Variants in MAN1B1 observed in about 807,000 individuals in gnomAD.
The protein encoded by MAN1B1 is mannosidase alpha class 1B member 1, also known as endoplasmic reticulum mannosyl-oligosaccharide 1,2-alpha-mannosidase.
Under a neutral mutation model 75.5 loss-of-function variants are expected in MAN1B1, and 66 were observed. The ratio of observed to expected loss-of-function variants is 0.87; its 90% CI spans 0.72 to 1.07. The LOEUF is 1.07. Among genes scored for constraint, MAN1B1 ranks in the 50% least tolerant of loss-of-function variants. MAN1B1 has a pLI of 0.00. For missense variants in MAN1B1, 973 were observed against 912.5 expected, an observed-to-expected ratio of 1.07 and a Z score of -0.85; for synonymous variants, 453 against 382.8, an observed-to-expected ratio of 1.18 and a Z score of -2.14.
Position 137,086,991 on chromosome 9 carries a change from G to A in MAN1B1, c.-9G>A. ...TCCGTGTGATGGGCGGGCTGTTGAC[G>A]GCGCTGCGATGGCTGCCTGCGAGGG... On this transcript the variant is annotated 5_prime_UTR_variant, in exon 1 of 13. Coordinates refer to ENST00000371589, the MANE Select transcript of MAN1B1 (RefSeq NM_016219.5). The A allele has an allele frequency of 1.9e-6, 3 of 1,585,454 alleles. No homozygotes were observed. The highest frequency in any genetic ancestry group is 1.7e-6 in the Non-Finnish European group (2 of 1,168,050).
At chr9:137,087,716 T>C (rs1376765791) in intron 1 of MAN1B1, 2 of 412,952 alleles carry the variant, frequency 4.8e-6, no homozygotes, top group Admixed American at 3.8e-5. Context: ...CTTTCTCCAC[T>C]GTTGATGAAA....
At position 137,109,117 on chromosome 9, in the gene MAN1B1, G is replaced by A. The variant is rs749146641; in HGVS notation, c.*526G>A. 2.6e-5 allele frequency: 12 copies of A among 455,014 alleles called. No individual in the cohort carries two copies. Among genetic ancestry groups the A allele is most frequent in the Admixed American group, 9.4e-5 (4 of 42,564 alleles). 28.2% of individuals were successfully genotyped at this position (455,014 alleles called of 1,614,324 possible). ...GCTTGGAGGGCTGGACGGCAAGTCC[G>A]TCTAGCTCACGGGCCCCTCCAGTGG... is the stretch of plus-strand genomic sequence containing the variant. On this transcript the variant is annotated 3_prime_UTR_variant, in exon 13 of 13. Transcript: ENST00000371589.
In MAN1B1 at chr9:137,108,415, A is replaced by C. The variant is rs1275807103; in HGVS notation, c.1924A>C (p.Asn642His). 6.2e-7 allele frequency: 1 copy of C among 1,613,694 alleles called. No homozygotes were observed. Among genetic ancestry groups the C allele is most frequent in the African/African-American group, 1.3e-5 (1 of 74,924 alleles). The change falls in exon 13 of 13, where the codon AAC (asparagine) becomes CAC (histidine). Residue 642 changes from asparagine to histidine, a missense_variant. By Grantham distance (68) the Asn-to-His change is moderately conservative. Transcript: ENST00000371589. The stretch of plus-strand genomic sequence containing the variant: ...CCCCTCGGGTGGCTATTCTTCCATC[A>C]ACAATGTCCAGGATCCTCAGAAGCC... ...RVPSGGYSSI[N>H]NVQDPQKPEP...
rs753012276 is a variant in MAN1B1 at position 137,088,103 on chromosome 9, G to A, written c.248G>A (p.Arg83Gln). Residue 83 changes from arginine to glutamine, a missense_variant, in exon 2 of 13, where the codon CGG (arginine) becomes CAG (glutamine). Coordinates refer to ENST00000371589, the MANE Select transcript of MAN1B1 (RefSeq NM_016219.5). ...TGGAAGCAACTGTCGAGATTGCAGC[G>A]GAATATGATTCTCTTCCTCCTTGCC... ...RKWKQLSRLQ[R>Q]NMILFLLAFL... 1.5e-5 allele frequency: 24 copies of A among 1,614,148 alleles called. No homozygotes were observed. Among genetic ancestry groups the A allele is most frequent in the East Asian group, 4.5e-5 (2 of 44,888 alleles).
In MAN1B1 at chr9:137,106,352, C is replaced by T. The variant is rs1377805263; in HGVS notation, c.1445+37C>T. 6.6e-6 allele frequency: 10 copies of T among 1,526,538 alleles called. No homozygotes were observed. The East Asian group carries it at 2.0e-4, about 30-fold the overall frequency. 94.6% of individuals were successfully genotyped at this position (1,526,538 alleles called of 1,614,324 possible). On this transcript the variant is annotated intron_variant, in intron 9 of 12. Coordinates refer to ENST00000371589, the MANE Select transcript of MAN1B1 (RefSeq NM_016219.5). ...CCCGCTGCCCCCAGCTCCCGCGGCT[C>T]CCCCGTTCCCGCAGCCCCCCACTCC...
chr9:137,107,952 C>A, intron 12 of MAN1B1: 1 of 634,104 alleles, frequency 1.6e-6, no homozygotes, highest in Non-Finnish European at 2.9e-6. Flanking sequence ...CCCAGCATCC[C>A]CCCAGTTTAG....
chr9:137,099,762 A>T lies in MAN1B1; in HGVS notation c.797A>T (p.Lys266Met), dbSNP rs752290538. Residue 266 changes from lysine to methionine, a missense_variant, in exon 6 of 13, where the codon AAG becomes ATG. Coordinates refer to ENST00000371589, the MANE Select transcript of MAN1B1 (RefSeq NM_016219.5). The part of the protein sequence containing the change: ...VFLHAWKGYR[K>M]FAWGHDELKP... ...CTGCATGCATGGAAAGGATACCGCA[A>T]GTTTGCATGGGGCCATGACGAGCTG... The T allele has an allele frequency of 6.8e-6, 11 of 1,614,216 alleles. No homozygotes were observed. In the East Asian group the frequency reaches 1.6e-4, roughly 23 times the overall value.
chr9:137,103,489 C>T (rs1830972804), intron 8 of MAN1B1: 1 of 428,228 alleles, frequency 2.3e-6, no homozygotes, highest in South Asian at 1.6e-5. Context: ...GTCAGTGGTA[C>T]ACACATTCAC....
chr9:137,102,761 C>CACACATGCTG (rs1830899521), intron 8 of MAN1B1: 1 of 300,056 alleles, frequency 3.3e-6, no homozygotes, highest in African/African-American at 1.1e-4. Context: ...TACATTCACA[C>CACACATGCTG]TTGCAGGCGT....
intron 6 of MAN1B1, among the ~76,000 whole-genome samples, chr9:137,100,449 C>T (rs908230617): frequency 2.6e-5 from 4 of 152,178 alleles, no homozygotes; most frequent in African/African-American, 9.7e-5. Flanking sequence ...AAGATTTACC[C>T]CCTTGAGATA....
intron 8 of MAN1B1, chr9:137,102,029 G>A (rs538430327): frequency 3.0e-4 from 140 of 474,340 alleles, no homozygotes; most frequent in Admixed American, 1.1e-3. Flanking sequence ...TGTTGCAGGC[G>A]TGCAGGTTGG....
In MAN1B1 at chr9:137,087,024, A is replaced by G. The variant is rs1047813903; in HGVS notation, c.25A>G (p.Ser9Gly). The G allele has an allele frequency of 4.4e-6, 7 of 1,601,558 alleles. No homozygotes were observed. Among genetic ancestry groups the G allele is most frequent in the African/African-American group, 1.3e-5 (1 of 74,964 alleles). ...GATGGCTGCCTGCGAGGGCAGGAGA[A>G]GCGGAGCTCTCGGTTCCTCTCAGTC... is the stretch of plus-strand genomic sequence containing the variant. Reference protein sequence around the residue: MAACEGRRSGALGSSQSDF... With the variant: MAACEGRRGGALGSSQSDF... Residue 9 changes from serine (S) to glycine (G), a missense_variant, in exon 1 of 13, where the codon AGC becomes GGC. By Grantham distance (56) the Ser-to-Gly change is moderately conservative (BLOSUM62 0). Coordinates refer to ENST00000371589, the MANE Select transcript of MAN1B1 (RefSeq NM_016219.5).
chr9:137,090,497 C>T (rs1355615235), intron 3 of MAN1B1, among the ~76,000 whole-genome samples: 2 of 151,816 alleles, frequency 1.3e-5, no homozygotes, highest in Non-Finnish European at 2.9e-5. Flanking sequence ...GGGGCATTGG[C>T]CCCCATGAGC....
chr9:137,096,149 T>A, intron 3 of MAN1B1, 88 bp from the exon 4 acceptor site: 1 of 1,387,762 alleles, frequency 7.2e-7, no homozygotes, highest in Non-Finnish European at 1.0e-6. Flanking sequence ...CTGTGAGGTG[T>A]GGGCTGCACC....
At chr9:137,094,936 C>T (rs1830615713) in intron 3 of MAN1B1, among the ~76,000 whole-genome samples, 1 of 151,862 alleles carries the variant, frequency 6.6e-6, no homozygotes, top group African/African-American at 2.4e-5. Context: ...GCCTGTAATC[C>T]CAGCACTTTG....
intron 2 of MAN1B1, 134 bp downstream of exon 2, chr9:137,088,317 G>A (rs764064579): frequency 6.2e-7 from 1 of 1,605,600 alleles, no homozygotes; most frequent in Non-Finnish European, 8.5e-7. Context: ...AAGATAAAGA[G>A]AAAGGTAGAG....
chr9:137,087,201 C>G lies in MAN1B1; in HGVS notation c.202C>G (p.Arg68Gly). ...ENYDNSKSWRRRSCWRKWKQL... is the reference protein window; with the variant it reads ...ENYDNSKSWRGRSCWRKWKQL... ...CTATGACAACAGCAAGAGTTGGCGGCGGCGCTCGTGCTGGAGGGTGAGGGT... is the reference window on the plus strand; with the variant it reads ...CTATGACAACAGCAAGAGTTGGCGGGGGCGCTCGTGCTGGAGGGTGAGGGT... The change falls in exon 1 of 13, where the codon CGG becomes GGG. Residue 68 changes from arginine to glycine, a missense_variant. Physicochemically the swap from Arg to Gly is moderately radical, Grantham distance 125 (BLOSUM62 -2). Coordinates refer to ENST00000371589, the MANE Select transcript of MAN1B1 (RefSeq NM_016219.5). The G allele has an allele frequency of 1.3e-6, 2 of 1,582,714 alleles. No individual in the cohort carries two copies. The highest frequency in any genetic ancestry group is 1.3e-5 in the African/African-American group (1 of 74,802).
Position 137,100,884 on chromosome 9 carries a change from T to C in MAN1B1, c.917-121T>C, listed in dbSNP as rs962781137. 19 of 1,112,812 alleles carry C rather than the reference T, an allele frequency of 1.7e-5. 1 individual carries two copies. The highest frequency in any genetic ancestry group is 9.5e-5 in the Admixed American group (5 of 52,554). The allele number at this position is 1,112,812 out of a possible 1,614,324, so 68.9% of individuals were successfully genotyped here. A position where few individuals can be genotyped will look rare whatever the true frequency, so the allele number is the denominator to read the frequency against. ...ATCCACTTGCCTCAGCCTCCCAAAG[T>C]GCTGGGATTACAGGCATGAGCCACC... On this transcript the variant is annotated intron_variant, in intron 6 of 12. Coordinates refer to ENST00000371589, the MANE Select transcript of MAN1B1 (RefSeq NM_016219.5).
In MAN1B1 at chr9:137,107,457, G is replaced by A. The variant is rs1831155855; in HGVS notation, c.1764+10G>A. 6.2e-7 allele frequency: 1 copy of A among 1,613,360 alleles called. No individual in the cohort carries two copies. The highest frequency in any genetic ancestry group is 8.5e-7 in the Non-Finnish European group (1 of 1,179,990). On this transcript the variant is annotated intron_variant, in intron 11 of 12. Coordinates refer to ENST00000371589, the MANE Select transcript of MAN1B1 (RefSeq NM_016219.5). Reference sequence around the variant, plus strand: ...GGACGTGGAGGTCAAGGTGGGCCTGGGCCTGGGTCAGGGTCCATCAGGAGG... The same window carrying A: ...GGACGTGGAGGTCAAGGTGGGCCTGAGCCTGGGTCAGGGTCCATCAGGAGG...
Sources: gnomAD v4.1 joint callset for allele counts (sites outside exome capture counted in the v4.1 genomes callset) on GRCh38, gnomAD v4.1.1 for gene constraint, MANE v1.5 for transcripts, NCBI Gene and HGNC (gene_info 2026-07-23, HGNC 2026-07-21) for gene names.